ODR4: variants seen among roughly 807,000 people sequenced by gnomAD.
The protein encoded by ODR4 is protein odr-4 homolog.
A neutral mutation model predicts 60.2 loss-of-function variants in ODR4; 47 were observed. The observed-to-expected ratio is 0.78, with a 90% CI of 0.62 to 1.00. The LOEUF (loss-of-function observed/expected upper bound fraction) is 1.00, where lower values mean the gene tolerates loss of function less well. Among genes scored for constraint, ODR4 ranks in the 50% least tolerant of loss-of-function variants. The probability of loss-of-function intolerance (pLI) is 0.00; values close to 1 mark genes in which losing one functional copy is unlikely to be tolerated. For missense variants in ODR4, 488 were observed against 530.8 expected (o/e 0.92, Z 0.79); for synonymous variants, 178 against 175.5 (o/e 1.01, Z -0.11).
chr1:186,399,068 T>C (rs1372067769), intron 11 of ODR4, 24 bp downstream of exon 11: 1 of 1,464,880 alleles, frequency 6.8e-7, no homozygotes, highest in African/African-American at 1.4e-5. Context: ...ATAAGTACTT[T>C]TTTGCGTATC....
chr1:186,409,328 A>G (rs1661288298), intron 12 of ODR4, among the ~76,000 whole-genome samples: 1 of 152,236 alleles, frequency 6.6e-6, no homozygotes, highest in South Asian at 2.1e-4. Context: ...AAACCGTTAC[A>G]TGTGCATTTC....
intron 9 of ODR4, among the ~76,000 whole-genome samples, chr1:186,397,245 C>CAT (rs1553236115): frequency 1.3e-5 from 2 of 152,106 alleles, no homozygotes; most frequent in Non-Finnish European, 2.9e-5. Context: ...ATTATTTTTC[C>CAT]GCATTTATTC....
At chr1:186,431,608 A>G in the ODR4 span, among the ~76,000 whole-genome samples, 4 of 152,212 alleles carry the variant, frequency 2.6e-5, no homozygotes, top group Admixed American at 2.0e-4. Context: ...CATGACCCTA[A>G]AAGATATGTA....
At chr1:186,388,597 T>TA in intron 5 of ODR4, 49 bp downstream of exon 5, 1 of 1,073,290 alleles carries the variant, frequency 9.3e-7, no homozygotes, top group Non-Finnish European at 1.3e-6. Flanking sequence ...ACCAAAATAA[T>TA]ATTCTTGCAA....
In ODR4 at chr1:186,417,556, C is replaced by A; in HGVS notation, c.1199C>A (p.Ser400Tyr). The change falls in exon 13 of 14, where the codon TCT becomes TAT. Residue 400 changes from serine to tyrosine, a missense_variant. Physicochemically the swap from Ser to Tyr is moderately radical, Grantham distance 144 (BLOSUM62 -2). Coordinates refer to ENST00000287859, the MANE Select transcript of ODR4 (RefSeq NM_017847.6). ...TATACCCTTTCAGCTTGTATGAGTTCTTCTATGAATAGTCAAGCTTCATTG... is the reference window on the plus strand; with the variant it reads ...TATACCCTTTCAGCTTGTATGAGTTATTCTATGAATAGTCAAGCTTCATTG... ...AEETNTACMS[S>Y]SMNSQASLDN... 1.3e-6 allele frequency: 2 copies of A among 1,579,180 alleles called. No homozygotes were observed. Among genetic ancestry groups the A allele is most frequent in the East Asian group, 2.3e-5 (1 of 44,246 alleles).
intron 4 of ODR4, 125 bp downstream of exon 4, chr1:186,386,208 A>G: frequency 1.8e-6 from 1 of 542,204 alleles, no homozygotes; most frequent in Non-Finnish European, 3.0e-6. Flanking sequence ...TGTTGGGGTT[A>G]CATTGAAAAA....
At chr1:186,429,700 G>A in the ODR4 span, among the ~76,000 whole-genome samples, 3 of 151,040 alleles carry the variant, frequency 2.0e-5, no homozygotes, top group East Asian at 5.8e-4. Context: ...ACATAGCTAG[G>A]AATAATCAAG....
chr1:186,402,704 C>CA (rs1273284680), intron 11 of ODR4, among the ~76,000 whole-genome samples: 1 of 152,096 alleles, frequency 6.6e-6, no homozygotes, highest in Non-Finnish European at 1.5e-5. Flanking sequence ...CTTCCTCCCT[C>CA]AGCCTCCCAG....
intron 11 of ODR4, chr1:186,401,402 CTG>C: frequency 2.3e-6 from 1 of 425,538 alleles, no homozygotes; most frequent in Non-Finnish European, 4.4e-6. Context: ...TTCTCGGATT[CTG>C]TGTGTATTCT....
At chr1:186,423,318 C>A (rs1480301376), downstream of ODR4, among the ~76,000 whole-genome samples, 3 of 151,744 alleles carry the variant, frequency 2.0e-5, no homozygotes, top group Non-Finnish European at 2.9e-5. Context: ...AGGCTGATAG[C>A]ACTTACTAAC....
downstream of ODR4, among the ~76,000 whole-genome samples, chr1:186,424,443 G>T (rs142901200): frequency 8.5e-5 from 13 of 152,228 alleles, no homozygotes; most frequent in African/African-American, 3.1e-4. Flanking sequence ...TGATACTTTC[G>T]TTCTTGAGTA....
intron 12 of ODR4, among the ~76,000 whole-genome samples, chr1:186,406,613 C>G (rs1187022420): frequency 1.3e-5 from 2 of 152,050 alleles, no homozygotes; most frequent in Non-Finnish European, 2.9e-5. Context: ...CATTATCTTA[C>G]TTGGTAAAGC....
intron 12 of ODR4, among the ~76,000 whole-genome samples, chr1:186,415,194 A>G (rs1287020300): frequency 3.3e-5 from 5 of 152,136 alleles, no homozygotes; most frequent in Non-Finnish European, 7.4e-5. Flanking sequence ...CTTATTTCTA[A>G]TAAGATAGTT....
At position 186,395,703 on chromosome 1, in the gene ODR4, A is replaced by G. The variant is rs150171116; in HGVS notation, c.780+1688A>G. ...GTGATTGTTTCTCTAAATCCCTTCTACCTTTGTTAGTATATCTCTTGAAAT... is the reference window on the plus strand; with the variant it reads ...GTGATTGTTTCTCTAAATCCCTTCTGCCTTTGTTAGTATATCTCTTGAAAT... On this transcript the variant is annotated intron_variant, in intron 9 of 13. Transcript: ENST00000287859. Among the ~76,000 whole-genome samples, 171 of 152,164 alleles carry G rather than the reference A, an allele frequency of 1.1e-3. 1 individual carries two copies. The highest frequency in any genetic ancestry group is 4.0e-3 in the African/African-American group (168 of 41,528).
intron 11 of ODR4, among the ~76,000 whole-genome samples, chr1:186,403,265 G>T (rs1337922506): frequency 6.6e-6 from 1 of 151,810 alleles, no homozygotes; most frequent in African/African-American, 2.4e-5. Context: ...TTTAACTTTT[G>T]TGGATACATA....
intron 12 of ODR4, among the ~76,000 whole-genome samples, chr1:186,416,723 G>T (rs961589302): frequency 1.3e-5 from 2 of 151,070 alleles, no homozygotes; most frequent in African/African-American, 4.9e-5. Context: ...AGGTGTGGTG[G>T]CAGGCGGCTG....
chr1:186,393,869 ATG>A (rs2102043071), intron 8 of ODR4, 76 bp from the exon 9 acceptor site: 1 of 748,918 alleles, frequency 1.3e-6, no homozygotes, highest in African/African-American at 1.8e-5. Context: ...TACTTAGTAT[ATG>A]TACAATAGTT....
In ODR4 at chr1:186,398,371, A is replaced by G. The variant is rs1282767450; in HGVS notation, c.839A>G (p.Asn280Ser). ...ATVQICSGSV[N>S]LKGAVKCRAY... The stretch of plus-strand genomic sequence containing the variant: ...GTCCAGATATGTAGCGGTTCTGTAA[A>G]CCTTAAGGGTGCTGTGAAATGCAGA... The change falls in exon 10 of 14, where the codon AAC (asparagine) becomes AGC (serine). Residue 280 changes from asparagine to serine, a missense_variant. By Grantham distance (46) the Asn-to-Ser change is conservative. Transcript: ENST00000287859. 1 of 1,611,140 alleles carries G rather than the reference A, an allele frequency of 6.2e-7. No individual in the cohort carries two copies. Among genetic ancestry groups the G allele is most frequent in the East Asian group, 2.2e-5 (1 of 44,662 alleles).
chr1:186,384,529 T>C (rs940138922), intron 3 of ODR4, among the ~76,000 whole-genome samples: 6 of 151,392 alleles, frequency 4.0e-5, no homozygotes, highest in Non-Finnish European at 8.8e-5. Flanking sequence ...GTAAATAACT[T>C]TCTACTCTAA....
Sources: gnomAD v4.1 joint callset for allele counts (sites outside exome capture counted in the v4.1 genomes callset) on GRCh38, gnomAD v4.1.1 for gene constraint, MANE v1.5 for transcripts, NCBI Gene and HGNC (gene_info 2026-07-23, HGNC 2026-07-21) for gene names.